DDX60L: variants seen among roughly 807,000 people sequenced by gnomAD.
DDX60L encodes the protein DExD/H-box 60 like.
In DDX60L, 191 loss-of-function variants were observed where a neutral mutation model predicts 211.6. The ratio of observed to expected loss-of-function variants is 0.90; its 90% CI spans 0.80 to 1.02. DDX60L has a LOEUF of 1.02. Ranked by LOEUF, DDX60L falls within the 50% of genes least tolerant of loss-of-function variation. DDX60L has a pLI of 0.00. For missense variants in DDX60L, 2,007 were observed against 1,984.1 expected (o/e 1.01, Z -0.22); for synonymous variants, 706 against 694.1 (o/e 1.02, Z -0.27).
intron 5 of DDX60L, among the ~76,000 whole-genome samples, chr4:168,459,774 G>GGGAAGGAAGGAAGGAGGGAAGGAAGGAA (rs1757060519): frequency 8.8e-5 from 5 of 56,910 alleles, no homozygotes; most frequent in Non-Finnish European, 1.7e-4. Context: ...GAAGGAAGGA[G>GGGAAGGAAGGAAGGAGGGAAGGAAGGAA]GGAAGGAAGG....
At chr4:168,391,732 A>G (rs1744867643) in intron 28 of DDX60L, 88 bp from the exon 29 acceptor site, 1 of 660,144 alleles carries the variant, frequency 1.5e-6, no homozygotes, top group African/African-American at 1.9e-5. Flanking sequence ...TCACTGAACA[A>G]CTCTTAGAGC....
intron 37 of DDX60L, among the ~76,000 whole-genome samples, chr4:168,360,235 T>C (rs1183570571): frequency 1.3e-5 from 2 of 152,240 alleles, no homozygotes; most frequent in African/African-American, 2.4e-5. Context: ...CTTGATACTT[T>C]TATAATTGAT....
chr4:168,437,704 A>T (rs976695421), intron 10 of DDX60L, among the ~76,000 whole-genome samples: 6 of 152,220 alleles, frequency 3.9e-5, no homozygotes, highest in East Asian at 3.9e-4. Context: ...AACAAGATCT[A>T]AGGCCATGCC....
chr4:168,443,488 C>G (rs1169020996), intron 9 of DDX60L, among the ~76,000 whole-genome samples: 1 of 151,760 alleles, frequency 6.6e-6, no homozygotes, highest in South Asian at 2.1e-4. Flanking sequence ...TCCAATCTAG[C>G]AAGGCAGGCC....
chr4:168,433,258 T>C (rs530806058), intron 10 of DDX60L, 143 bp from the exon 11 acceptor site: 8 of 584,714 alleles, frequency 1.4e-5, no homozygotes, highest in South Asian at 2.4e-5. Flanking sequence ...CCAAATGAGA[T>C]ATTCCTCAAA....
At chr4:168,446,827 T>G (rs1416470220) in intron 9 of DDX60L, among the ~76,000 whole-genome samples, 1 of 117,418 alleles carries the variant, frequency 8.5e-6, no homozygotes, top group African/African-American at 3.2e-5. Flanking sequence ...TGGCTAGCCA[T>G]ATGTAGAAAG....
rs1747294931 is a variant in DDX60L, at chr4:168,403,974, T to C, written c.3338+8A>G. ...TAAACAAAGATAAATTAAGTTTCAG[T>C]TACTTACAAAAAAAATATTGCAGGC... On this transcript the variant is annotated splice_region_variant and intron_variant, in intron 25 of 37. Coordinates refer to ENST00000682922, the MANE Select transcript of DDX60L (RefSeq NM_001012967.3). The C allele has an allele frequency of 6.9e-7, 1 of 1,448,772 alleles. No individual in the cohort carries two copies. The highest frequency in any genetic ancestry group is 2.4e-5 in the East Asian group (1 of 41,046). 89.7% of individuals were successfully genotyped at this position (1,448,772 alleles called of 1,614,324 possible).
chr4:168,434,638 A>G (rs10018879), intron 10 of DDX60L, among the ~76,000 whole-genome samples: 55,676 of 152,128 alleles, frequency 0.37, 12,436 homozygotes, highest in African/African-American at 0.64. Context: ...ACCATAATGG[A>G]CGGCAAAGTC....
At chr4:168,431,822 T>G (rs1752406237) in intron 12 of DDX60L, among the ~76,000 whole-genome samples, 1 of 152,190 alleles carries the variant, frequency 6.6e-6, no homozygotes, top group Non-Finnish European at 1.5e-5. Flanking sequence ...TGAATTCCTT[T>G]CCTTAGGACC....
intron 29 of DDX60L, among the ~76,000 whole-genome samples, chr4:168,388,606 T>C (rs1744280380): frequency 6.6e-6 from 1 of 152,202 alleles, no homozygotes; most frequent in Admixed American, 6.5e-5. Context: ...AACTGACACC[T>C]GAGAAATTAA....
intron 37 of DDX60L, among the ~76,000 whole-genome samples, 192 bp downstream of exon 37, chr4:168,360,957 A>C (rs1414215971): frequency 6.6e-6 from 1 of 152,228 alleles, no homozygotes; most frequent in Non-Finnish European, 1.5e-5. Context: ...TACAAAAAAA[A>C]CAGCGTGACA....
Position 168,375,536 on chromosome 4 carries a change from A to G in DDX60L, c.4486-12T>C. The G allele has an allele frequency of 6.3e-7, 1 of 1,575,056 alleles. No individual in the cohort carries two copies. Among genetic ancestry groups the G allele is most frequent in the Non-Finnish European group, 8.6e-7 (1 of 1,164,110 alleles). On this transcript the variant is annotated splice_polypyrimidine_tract_variant and intron_variant, in intron 33 of 37. Coordinates refer to ENST00000682922, the MANE Select transcript of DDX60L (RefSeq NM_001012967.3). ...TCGGCAAGGATCACCTATGGGCGAA[A>G]TACATTTCAGAAAGATCTCTTTACT... is the stretch of plus-strand genomic sequence containing the variant.
intron 25 of DDX60L, 75 bp from the exon 26 acceptor site, chr4:168,401,053 A>G: frequency 7.4e-7 from 1 of 1,354,440 alleles, no homozygotes. Flanking sequence ...TAAAATTATA[A>G]GGCCCCTCAA....
chr4:168,479,902 T>C (rs1026547755), intron 1 of DDX60L, among the ~76,000 whole-genome samples: 2 of 144,928 alleles, frequency 1.4e-5, no homozygotes, highest in Non-Finnish European at 3.0e-5. Flanking sequence ...GAGAATAGCG[T>C]GAACCCGGAA....
At chr4:168,366,786 A>G (rs977313482) in intron 36 of DDX60L, among the ~76,000 whole-genome samples, 1 of 152,032 alleles carries the variant, frequency 6.6e-6, no homozygotes, top group African/African-American at 2.4e-5. Context: ...AAAACCACAT[A>G]CTTTGACCAA....
intron 4 of DDX60L, among the ~76,000 whole-genome samples, chr4:168,471,246 A>G (rs1758731125): frequency 6.6e-6 from 1 of 152,222 alleles, no homozygotes. Context: ...AAAAGGATTG[A>G]CAGGTGAATA....
In DDX60L at chr4:168,398,400, T is replaced by G. The variant is rs1269271166; in HGVS notation, c.3492-2276A>C. Among the ~76,000 whole-genome samples, 4 of 152,062 alleles carry G rather than the reference T, an allele frequency of 2.6e-5. No homozygotes were observed. In the East Asian group the frequency reaches 7.7e-4, roughly 29 times the overall value. On this transcript the variant is annotated intron_variant, in intron 26 of 37. Coordinates refer to ENST00000682922, the MANE Select transcript of DDX60L (RefSeq NM_001012967.3). ...TCCAGACATTGAGTGCCAGTGAGCA[T>G]GGGAGGGAGGCCAAAGTGGGGGCTA...
In DDX60L at chr4:168,415,712, A is replaced by C; in HGVS notation, c.2814T>G (p.Cys938Trp). The C allele has an allele frequency of 6.2e-7, 1 of 1,604,332 alleles. No individual in the cohort carries two copies. Among genetic ancestry groups the C allele is most frequent in the Non-Finnish European group, 8.5e-7 (1 of 1,174,458 alleles). The change falls in exon 21 of 38, where the codon TGT becomes TGG. Residue 938 changes from cysteine (C) to tryptophan (W), a missense_variant. Physicochemically the swap from Cys to Trp is radical, Grantham distance 215. Coordinates refer to ENST00000682922, the MANE Select transcript of DDX60L (RefSeq NM_001012967.3). ...KCISEKQADK[C>W]LNFLQDHSYK... ...ATGAATGGTCTTGGAGAAAGTTGAG[A>C]CATTTGTCAGCCTGTTTTTCAGAAA...
chr4:168,364,742 A>C (rs752637818), intron 36 of DDX60L, among the ~76,000 whole-genome samples: 1 of 152,208 alleles, frequency 6.6e-6, no homozygotes, highest in African/African-American at 2.4e-5. Flanking sequence ...TCAACCGTAC[A>C]TGGAACATTC....
Sources: allele counts gnomAD v4.1 joint callset (sites outside exome capture counted in the v4.1 genomes callset), GRCh38; gene constraint gnomAD v4.1.1; transcripts MANE v1.5; gene names NCBI Gene and HGNC (gene_info 2026-07-23, HGNC 2026-07-21).